Variants in GABRB1 observed in about 807,000 individuals in gnomAD.
GABRB1 encodes the protein gamma-aminobutyric acid receptor subunit beta-1.
In GABRB1, 17 loss-of-function variants were observed where a neutral mutation model predicts 51.6. The observed-to-expected ratio is 0.33, with a 90% confidence interval of 0.23 to 0.49. The LOEUF is 0.49. Among genes scored for constraint, GABRB1 ranks in the 20% least tolerant of loss-of-function variants. The probability of loss-of-function intolerance (pLI) is 0.99; values close to 1 mark genes in which losing one functional copy is unlikely to be tolerated. For missense variants in GABRB1, 410 were observed against 600.6 expected, an observed-to-expected ratio of 0.68 and a Z score of 3.32; for synonymous variants, 247 against 218.9, an observed-to-expected ratio of 1.13 and a Z score of -1.14.
At chr4:47,337,598 A>G (rs1218723272) in intron 5 of GABRB1, among the ~76,000 whole-genome samples, 1 of 151,920 alleles carries the variant, frequency 6.6e-6, no homozygotes, top group Admixed American at 6.6e-5. Context: ...TGAGGTCAGG[A>G]GTTCGAGACC....
chr4:47,177,470 A>G (rs1159226433), intron 4 of GABRB1, among the ~76,000 whole-genome samples: 1 of 152,116 alleles, frequency 6.6e-6, no homozygotes, highest in East Asian at 1.9e-4. Context: ...CAGAAGATCA[A>G]TGACGAACTT....
At chr4:47,249,656 CA>C (rs1341082645) in intron 4 of GABRB1, among the ~76,000 whole-genome samples, 1 of 152,132 alleles carries the variant, frequency 6.6e-6, no homozygotes, top group African/African-American at 2.4e-5. Flanking sequence ...TCCTGTTGGA[CA>C]AGGAATTTTA....
Position 47,403,391 on chromosome 4 carries a change from C to A in GABRB1, c.618C>A (p.Ile206=), listed in dbSNP as rs6286. 3 of 1,613,782 alleles carry A rather than the reference C, an allele frequency of 1.9e-6. No homozygotes were observed. In the African/African-American group the frequency reaches 4.0e-5, roughly 22 times the overall value. ...GGGCAGTCACTGGTGTTAATAAAAT[C>A]GAACTTCCTCAATTTTCAATTGTTG... ...GEGAVTGVNK[I]ELPQFSIVDY... Residue 206 remains isoleucine (I), a synonymous_variant, in exon 6 of 9, where the codon ATC becomes ATA. Transcript: ENST00000295454.
chr4:47,071,675 A>G (rs1262948755), intron 3 of GABRB1, among the ~76,000 whole-genome samples: 1 of 149,542 alleles, frequency 6.7e-6, no homozygotes, highest in African/African-American at 2.5e-5. Flanking sequence ...TCTCTCCTCA[A>G]TAGGAAATAC....
intron 3 of GABRB1, among the ~76,000 whole-genome samples, chr4:47,120,682 T>G (rs1342276782): frequency 6.6e-6 from 1 of 152,108 alleles, no homozygotes; most frequent in Non-Finnish European, 1.5e-5. Context: ...AGCTCTTTAA[T>G]CAACAGTTGA....
At position 47,417,327 on chromosome 4, in the gene GABRB1, T is replaced by G. The variant is rs138595449; in HGVS notation, c.1081-8347T>G. On this transcript the variant is annotated intron_variant, in intron 8 of 8. Coordinates refer to ENST00000295454, the MANE Select transcript of GABRB1 (RefSeq NM_000812.4). ...ATAATATAATTTATTTGTCTTAGAT[T>G]TATGTACATTTGCACTTAATCTTCT... Among the ~76,000 whole-genome samples the G allele has an allele frequency of 2.7e-3, 404 of 152,172 alleles. 3 individuals are homozygous for G. The highest frequency in any genetic ancestry group is 9.2e-3 in the African/African-American group (381 of 41,504).
At chr4:47,349,067 T>TTC (rs1726211700) in intron 5 of GABRB1, among the ~76,000 whole-genome samples, 2 of 152,160 alleles carry the variant, frequency 1.3e-5, no homozygotes, top group Non-Finnish European at 2.9e-5. Flanking sequence ...ATGTTTTAGA[T>TTC]TCTGAGTGGA....
chr4:47,123,577 TCA>T (rs1491135355), intron 3 of GABRB1, among the ~76,000 whole-genome samples: 3 of 56,828 alleles, frequency 5.3e-5, no homozygotes, highest in African/African-American at 1.5e-4. Context: ...TTACATTATT[TCA>T]TATATTATAA....
chr4:47,139,331 G>T (rs1716813991), intron 3 of GABRB1, among the ~76,000 whole-genome samples: 1 of 152,010 alleles, frequency 6.6e-6, no homozygotes, highest in Non-Finnish European at 1.5e-5. Flanking sequence ...ATTGGTTTTA[G>T]GGTCCATATC....
At chr4:47,424,468 A>G (rs1729200029) in intron 8 of GABRB1, among the ~76,000 whole-genome samples, 1 of 152,182 alleles carries the variant, frequency 6.6e-6, no homozygotes. Context: ...ATCATGTGCT[A>G]TCTATCCTCT....
At chr4:47,160,434 T>C (rs569182826) in intron 3 of GABRB1, among the ~76,000 whole-genome samples, 2 of 152,142 alleles carry the variant, frequency 1.3e-5, no homozygotes, top group Non-Finnish European at 2.9e-5. Flanking sequence ...AAAATCCAGA[T>C]AAGGGCAAAT....
chr4:47,222,331 G>T (rs143225786), intron 4 of GABRB1, among the ~76,000 whole-genome samples: 2 of 152,228 alleles, frequency 1.3e-5, no homozygotes, highest in East Asian at 3.9e-4. Context: ...GTGGCACGTT[G>T]CTACAGTAAT....
At position 47,378,696 on chromosome 4, in the gene GABRB1, G is replaced by A. The variant is rs529604982; in HGVS notation, c.545-24622G>A. Among the ~76,000 whole-genome samples, 37 of 152,328 alleles carry A rather than the reference G, an allele frequency of 2.4e-4. No individual in the cohort carries two copies. The South Asian group carries it at 7.5e-3, about 31-fold the overall frequency. On this transcript the variant is annotated intron_variant, in intron 5 of 8. Coordinates refer to ENST00000295454, the MANE Select transcript of GABRB1 (RefSeq NM_000812.4). ...AGACGGGGTTTCACCATGTTGGCCA[G>A]GCTGGTCTCAAACTCCTGACCTCAG...
chr4:47,401,286 G>A (rs1279453697), intron 5 of GABRB1, among the ~76,000 whole-genome samples: 1 of 152,172 alleles, frequency 6.6e-6, no homozygotes, highest in African/African-American at 2.4e-5. Context: ...AAACGTTTAT[G>A]CTCTGTTGGT....
At chr4:47,109,287 G>T (rs1715119538) in intron 3 of GABRB1, among the ~76,000 whole-genome samples, 1 of 151,980 alleles carries the variant, frequency 6.6e-6, no homozygotes, top group African/African-American at 2.4e-5. Context: ...TAACATAGAG[G>T]TGGGTAACTT....
chr4:47,072,265 C>A (rs541420832), intron 3 of GABRB1, among the ~76,000 whole-genome samples: 2 of 152,254 alleles, frequency 1.3e-5, no homozygotes, highest in South Asian at 4.1e-4. Flanking sequence ...TTTTAAGCAA[C>A]TGATGACATT....
intron 5 of GABRB1, among the ~76,000 whole-genome samples, chr4:47,385,172 A>G (rs1727745543): frequency 6.6e-6 from 1 of 152,194 alleles, no homozygotes; most frequent in Non-Finnish European, 1.5e-5. Flanking sequence ...TAATGCCATG[A>G]CCTCATCTGA....
chr4:46,996,180 C>T (rs1723990587), intron 1 of GABRB1, among the ~76,000 whole-genome samples: 1 of 151,460 alleles, frequency 6.6e-6, no homozygotes. Context: ...TGTGATAGCC[C>T]AGGATTGTCA....
chr4:47,154,803 A>C (rs1458484034), intron 3 of GABRB1, among the ~76,000 whole-genome samples: 1 of 152,032 alleles, frequency 6.6e-6, no homozygotes, highest in Non-Finnish European at 1.5e-5. Context: ...CTCTAACAAT[A>C]AACTCTGCCC....
Sources: allele counts gnomAD v4.1 joint callset (sites outside exome capture counted in the v4.1 genomes callset), GRCh38; gene constraint gnomAD v4.1.1; transcripts MANE v1.5; gene names NCBI Gene and HGNC (gene_info 2026-07-23, HGNC 2026-07-21).